SLC16A7: variants seen among roughly 807,000 people sequenced by gnomAD.
The protein encoded by SLC16A7 is monocarboxylate transporter 2.
Under a neutral mutation model 34.9 loss-of-function variants are expected in SLC16A7, and 33 were observed. The ratio of observed to expected loss-of-function variants is 0.94; its 90% CI spans 0.72 to 1.26. SLC16A7 has a LOEUF of 1.26. Among genes scored for constraint, SLC16A7 ranks in the 50% most tolerant of loss-of-function variants. The probability of loss-of-function intolerance (pLI) is 0.00; values close to 1 mark genes in which losing one functional copy is unlikely to be tolerated. For missense variants in SLC16A7, 573 were observed against 578.1 expected, an observed-to-expected ratio of 0.99 and a Z score of 0.09; for synonymous variants, 201 against 206.6, an observed-to-expected ratio of 0.97 and a Z score of 0.23.
At chr12:59,716,883 T>A (rs746719816) in intron 3 of SLC16A7, among the ~76,000 whole-genome samples, 21 of 152,088 alleles carry the variant, frequency 1.4e-4, no homozygotes, top group Non-Finnish European at 2.6e-4. Flanking sequence ...GAATTATCTA[T>A]AAATCAAAAG....
chr12:59,675,278 G>A (rs921226525), intron 2 of SLC16A7, among the ~76,000 whole-genome samples: 1 of 152,224 alleles, frequency 6.6e-6, no homozygotes, highest in Non-Finnish European at 1.5e-5. Flanking sequence ...CCAGTGTGAT[G>A]GAATTTGGAG....
chr12:59,597,804 C>T (rs1592373825), intron 1 of SLC16A7, among the ~76,000 whole-genome samples: 1 of 152,164 alleles, frequency 6.6e-6, no homozygotes, highest in Non-Finnish European at 1.5e-5. Flanking sequence ...TGTGTAACAA[C>T]TTACAAACTC....
intron 3 of SLC16A7, among the ~76,000 whole-genome samples, chr12:59,714,345 G>A (rs1010039809): frequency 4.9e-4 from 74 of 152,310 alleles, no homozygotes; most frequent in African/African-American, 1.8e-3. Flanking sequence ...GTCTGCTCTA[G>A]CTGCCATAAA....
At chr12:59,687,677 T>C (rs1475479004) in intron 2 of SLC16A7, among the ~76,000 whole-genome samples, 1 of 152,148 alleles carries the variant, frequency 6.6e-6, no homozygotes, top group East Asian at 1.9e-4. Flanking sequence ...ATGGGTCAGC[T>C]GTGGCTCTGG....
chr12:59,652,352 G>A (rs1352317554), intron 1 of SLC16A7, among the ~76,000 whole-genome samples: 3 of 151,784 alleles, frequency 2.0e-5, no homozygotes, highest in South Asian at 2.1e-4. Context: ...TTTCATTTCT[G>A]TTTTGATTAA....
At chr12:59,715,678 C>G (rs1469793330) in intron 3 of SLC16A7, among the ~76,000 whole-genome samples, 2 of 152,128 alleles carry the variant, frequency 1.3e-5, no homozygotes, top group Non-Finnish European at 2.9e-5. Flanking sequence ...ACATAGCCAC[C>G]AGTGACTGCA....
chr12:59,699,058 GT>G (rs1872603955), intron 2 of SLC16A7, among the ~76,000 whole-genome samples: 1 of 151,598 alleles, frequency 6.6e-6, no homozygotes, highest in African/African-American at 2.4e-5. Context: ...TTACTCTAGT[GT>G]TAGGATTGTG....
intron 2 of SLC16A7, among the ~76,000 whole-genome samples, chr12:59,676,727 A>G (rs76415261): frequency 0.071 from 10,845 of 152,234 alleles, 432 homozygotes; most frequent in Middle Eastern, 0.17. Context: ...GAGTACAGAT[A>G]ATACATAATT....
At chr12:59,604,045 C>T (rs993700481) in intron 1 of SLC16A7, among the ~76,000 whole-genome samples, 4 of 152,216 alleles carry the variant, frequency 2.6e-5, no homozygotes, top group Non-Finnish European at 4.4e-5. Context: ...ATCAATTTAA[C>T]ATATTCAGTT....
intron 2 of SLC16A7, among the ~76,000 whole-genome samples, chr12:59,694,270 C>T (rs1872011885): frequency 6.6e-6 from 1 of 151,942 alleles, no homozygotes; most frequent in South Asian, 2.1e-4. Flanking sequence ...AAAGCCTTCT[C>T]ACTGGCTTAA....
At chr12:59,598,180 G>A (rs1878513140) in intron 1 of SLC16A7, among the ~76,000 whole-genome samples, 1 of 152,168 alleles carries the variant, frequency 6.6e-6, no homozygotes, top group Non-Finnish European at 1.5e-5. Flanking sequence ...ATGGAAAAAG[G>A]GAATTAACTT....
At chr12:59,680,783 C>T (rs961933198) in intron 2 of SLC16A7, among the ~76,000 whole-genome samples, 1 of 151,948 alleles carries the variant, frequency 6.6e-6, no homozygotes, top group Non-Finnish European at 1.5e-5. Flanking sequence ...AATAGATGAA[C>T]TGATGACTAA....
chr12:59,638,211 A>G (rs1339225525), intron 1 of SLC16A7, among the ~76,000 whole-genome samples: 1 of 152,102 alleles, frequency 6.6e-6, no homozygotes, highest in African/African-American at 2.4e-5. Flanking sequence ...GTCTGTTCAG[A>G]TGCTTTTTGG....
chr12:59,653,917 G>T (rs1868403998), intron 1 of SLC16A7, among the ~76,000 whole-genome samples: 1 of 151,388 alleles, frequency 6.6e-6, no homozygotes, highest in African/African-American at 2.4e-5. Context: ...TACTACTGTA[G>T]AACAATCTAA....
At chr12:59,694,466 C>T (rs10459250) in intron 2 of SLC16A7, among the ~76,000 whole-genome samples, 36,186 of 151,764 alleles carry the variant, frequency 0.24, 4,408 homozygotes, top group African/African-American at 0.27. Flanking sequence ...CAATATATGC[C>T]TTAAATATAT....
Position 59,785,246 on chromosome 12 carries a change from A to G in SLC16A7, c.*5567A>G, listed in dbSNP as rs542620916. On this transcript the variant is annotated 3_prime_UTR_variant, in exon 6 of 6. Coordinates refer to ENST00000547379, the MANE Select transcript of SLC16A7 (RefSeq NM_001270623.2). ...TAGTTCTGATTTTCTCTTCTTTCCT[A>G]TCAGTTGTTTGTACACTGGAGATTT... The G allele has an allele frequency of 3.9e-5, 6 of 152,254 alleles. No individual in the cohort carries two copies. Among genetic ancestry groups the G allele is most frequent in the Admixed American group, 6.5e-5 (1 of 15,292 alleles). 9.4% of individuals were successfully genotyped at this position (152,254 alleles called of 1,614,324 possible).
intron 3 of SLC16A7, among the ~76,000 whole-genome samples, chr12:59,714,003 T>C (rs1295023207): frequency 6.6e-6 from 1 of 152,192 alleles, no homozygotes; most frequent in Non-Finnish European, 1.5e-5. Context: ...GCACAGTGGG[T>C]GCCATGCAAC....
In SLC16A7 at chr12:59,775,290, C is replaced by T. The variant is rs1331178564; in HGVS notation, c.995C>T (p.Pro332Leu). The change falls in exon 5 of 6, where the codon CCA becomes CTA. Residue 332 changes from proline (P) to leucine (L), a missense_variant. Coordinates refer to ENST00000547379, the MANE Select transcript of SLC16A7 (RefSeq NM_001270623.2). ...AATGGAGTGTGTCACCTCTTGTGCC[C>T]ACTGGCACAGGACTACACAAGCCTG... ...MFNGVCHLLC[P>L]LAQDYTSLVL... 2 of 1,613,984 alleles carry T rather than the reference C, an allele frequency of 1.2e-6. No homozygotes were observed. Among genetic ancestry groups the T allele is most frequent in the African/African-American group, 1.3e-5 (1 of 75,056 alleles).
At chr12:59,682,484 T>C (rs1870819051) in intron 2 of SLC16A7, among the ~76,000 whole-genome samples, 1 of 152,200 alleles carries the variant, frequency 6.6e-6, no homozygotes, top group African/African-American at 2.4e-5. Flanking sequence ...GGTCTCAAGA[T>C]GCTTATAGTT....
Sources: gnomAD v4.1 joint callset for allele counts (sites outside exome capture counted in the v4.1 genomes callset) on GRCh38, gnomAD v4.1.1 for gene constraint, MANE v1.5 for transcripts, NCBI Gene and HGNC (gene_info 2026-07-23, HGNC 2026-07-21) for gene names.